The following ARAP1 variants were observed in gnomAD, a reference collection of about 807,000 sequenced individuals.
ARAP1 encodes ArfGAP with RhoGAP domain, ankyrin repeat and PH domain 1, also known as arf-GAP with Rho-GAP domain, ANK repeat and PH domain-containing protein 1.
A neutral mutation model predicts 172.2 loss-of-function variants in ARAP1; 76 were observed. The ratio of observed to expected loss-of-function variants is 0.44; its 90% confidence interval spans 0.37 to 0.53. The LOEUF is 0.53. Among genes scored for constraint, ARAP1 ranks in the 20% least tolerant of loss-of-function variants. The pLI, the probability that ARAP1 is intolerant of heterozygous loss-of-function variation, is 0.00. For missense variants in ARAP1, 1,686 were observed against 1,977.5 expected, an observed-to-expected ratio of 0.85 and a Z score of 2.80; for synonymous variants, 804 against 803.3, an observed-to-expected ratio of 1.00 and a Z score of -0.01.
intron 1 of ARAP1, among the ~76,000 whole-genome samples, chr11:72,734,253 T>C (rs1348127830): frequency 1.3e-5 from 2 of 152,190 alleles, no homozygotes; most frequent in Non-Finnish European, 2.9e-5. Context: ...CCTGAGTAGC[T>C]GGAACTACAA....
In ARAP1 at chr11:72,710,297, A is replaced by C; in HGVS notation, c.1416+88T>G. 2 of 1,490,586 alleles carry C rather than the reference A, an allele frequency of 1.3e-6. No homozygotes were observed. Among genetic ancestry groups the C allele is most frequent in the Non-Finnish European group, 1.9e-6 (2 of 1,079,916 alleles). 92.3% of individuals were successfully genotyped at this position (1,490,586 alleles called of 1,614,324 possible). Reference sequence around the variant, plus strand: ...TGGGCCCAGTGCAGGAAAAGAGGGAACAGAAAAGGCAGGGCTAAGGCCCTA... The same window carrying C: ...TGGGCCCAGTGCAGGAAAAGAGGGACCAGAAAAGGCAGGGCTAAGGCCCTA... On this transcript the variant is annotated intron_variant, in intron 10 of 34. Coordinates refer to ENST00000393609, the MANE Select transcript of ARAP1 (RefSeq NM_001040118.3). This position sits in a 1 kb window ranked among gnomAD's most constrained non-coding sequence, Gnocchi z 4.3.
chr11:72,695,628 C>A lies in ARAP1; in HGVS notation c.3421G>T (p.Val1141Leu), dbSNP rs768164284. ...TGCTTCCTGAGCTCTTCCTCATCCA[C>A]CTGGGAAGGGGCGAGAGGCAGGGAC... is the stretch of plus-strand genomic sequence containing the variant. ...LINHYVVVFSVDEEELRKQRE... is the reference protein window; with the variant it reads ...LINHYVVVFSLDEEELRKQRE... Residue 1141 changes from valine (V) to leucine (L), a missense_variant and splice_region_variant, in exon 25 of 35, where the codon GTG becomes TTG. This residue lies in a region of ARAP1 where 379 missense variants were observed against 500.1 expected (regional missense o/e 0.76). Transcript: ENST00000393609. The surrounding 1 kb of genome is among the most constrained non-coding windows in gnomAD (Gnocchi z 4.4). The A allele has an allele frequency of 2.5e-6, 4 of 1,614,182 alleles. No individual in the cohort carries two copies. The Admixed American group carries it at 6.7e-5, about 27-fold the overall frequency.
rs1409105082 is a variant in ARAP1 at position 72,707,307 on chromosome 11, C to T, written c.1591G>A (p.Ala531Thr). 6.2e-7 allele frequency: 1 copy of T among 1,613,730 alleles called. No individual in the cohort carries two copies. ...TCGGCCACCTCCGAGGTAGACAGGG[C>T]CTCAGCGATGGCTCCCTGCATGGCC... ...LEAMQGAIAE[A>T]LSTSEVAERI... Residue 531 changes from alanine (A) to threonine (T), a missense_variant, in exon 12 of 35, where the codon GCC becomes ACC. This residue lies in a region of ARAP1 where 688 missense variants were observed against 856.9 expected (regional missense o/e 0.80). Transcript: ENST00000393609.
chr11:72,747,809 C>A (rs1328795405), intron 1 of ARAP1, among the ~76,000 whole-genome samples: 1 of 152,198 alleles, frequency 6.6e-6, no homozygotes, highest in African/African-American at 2.4e-5. Flanking sequence ...CAATTAGTCC[C>A]GTCTGCAAGC....
chr11:72,743,023 G>A (rs1230855320), intron 1 of ARAP1, among the ~76,000 whole-genome samples: 1 of 152,138 alleles, frequency 6.6e-6, no homozygotes, highest in Non-Finnish European at 1.5e-5. Flanking sequence ...TCAAATGCAA[G>A]GCCTTTCTTC....
chr11:72,688,599 C>T, intron 30 of ARAP1, 62 bp from the exon 31 acceptor site: 1 of 1,411,026 alleles, frequency 7.1e-7, no homozygotes, highest in South Asian at 1.2e-5. Flanking sequence ...GGGCCGCTCT[C>T]CCGACTGGGC....
intron 31 of ARAP1, 69 bp from the exon 32 acceptor site, chr11:72,687,807 G>A: frequency 7.0e-6 from 11 of 1,577,414 alleles, no homozygotes; most frequent in Non-Finnish European, 9.6e-6. Flanking sequence ...CAGTTCCCAG[G>A]ACAGAGCCCA....
intron 30 of ARAP1, among the ~76,000 whole-genome samples, chr11:72,691,959 C>T (rs1337141117): frequency 2.0e-5 from 3 of 152,272 alleles, no homozygotes; most frequent in Middle Eastern, 6.8e-3. Flanking sequence ...CAGTAGGGTT[C>T]GCACTCTTAC....
At chr11:72,743,882 G>A (rs546825608) in intron 1 of ARAP1, among the ~76,000 whole-genome samples, 32 of 151,926 alleles carry the variant, frequency 2.1e-4, no homozygotes, top group African/African-American at 7.2e-4. Context: ...TCTCCTGCCT[G>A]CCTACCCCTT....
intron 16 of ARAP1, 110 bp downstream of exon 16, chr11:72,701,539 C>T: frequency 2.1e-6 from 3 of 1,453,640 alleles, no homozygotes; most frequent in Non-Finnish European, 2.8e-6. Context: ...CCAGGAAGCC[C>T]TCTAGGGTGA....
In ARAP1 at chr11:72,710,625, AG is replaced by A. The variant is rs1856972318; in HGVS notation, c.1214-39del. 1 of 1,563,896 alleles carries A rather than the reference AG, an allele frequency of 6.4e-7. No homozygotes were observed. The highest frequency in any genetic ancestry group is 8.6e-7 in the Non-Finnish European group (1 of 1,156,222). On this transcript the variant is annotated intron_variant, in intron 9 of 34. Coordinates refer to ENST00000393609, the MANE Select transcript of ARAP1 (RefSeq NM_001040118.3). The surrounding 1 kb of genome is among the most constrained non-coding windows in gnomAD (Gnocchi z 4.3). ...GGTAGAGGAGTAAGCCCAAGGTTGCAGGGAGCCCCTCAGGGGTCTCCTGGCC... is the reference window on the plus strand; with the variant it reads ...GGTAGAGGAGTAAGCCCAAGGTTGCAGGAGCCCCTCAGGGGTCTCCTGGCC...
intron 2 of ARAP1, 59 bp from the exon 3 acceptor site, chr11:72,727,231 C>T (rs1167949454): frequency 1.5e-6 from 2 of 1,370,784 alleles, no homozygotes; most frequent in East Asian, 2.5e-5. Flanking sequence ...GGTCCCCTCA[C>T]CAGCAGCCTG....
chr11:72,721,691 A>G (rs1857517600), intron 3 of ARAP1, among the ~76,000 whole-genome samples: 1 of 152,130 alleles, frequency 6.6e-6, no homozygotes, highest in South Asian at 2.1e-4. Flanking sequence ...AGAAGTGGGG[A>G]AAGTGAAATA....
At chr11:72,692,829 A>G (rs1465833220) in intron 29 of ARAP1, 44 bp from the exon 30 acceptor site, 1 of 1,611,272 alleles carries the variant, frequency 6.2e-7, no homozygotes, top group Non-Finnish European at 8.5e-7. Context: ...TCCCAGGTCT[A>G]GAGCCAGGAC....
chr11:72,707,647 C>T (rs1055954724), intron 11 of ARAP1, among the ~76,000 whole-genome samples: 3 of 152,040 alleles, frequency 2.0e-5, no homozygotes, highest in Admixed American at 6.6e-5. Context: ...AGCTAAGATT[C>T]GACAGATCAG....
chr11:72,713,586 G>A (rs946167785), intron 4 of ARAP1, among the ~76,000 whole-genome samples: 2 of 152,152 alleles, frequency 1.3e-5, no homozygotes, highest in Non-Finnish European at 2.9e-5. Context: ...GGTGGCTCAT[G>A]CCTGTAATCC....
intron 12 of ARAP1, 75 bp from the exon 13 acceptor site, chr11:72,705,965 A>C: frequency 6.7e-7 from 1 of 1,491,968 alleles, no homozygotes; most frequent in Non-Finnish European, 9.3e-7. Flanking sequence ...CCCAGTGTCT[A>C]CTGGGACAGG....
chr11:72,696,713 G>C, intron 22 of ARAP1, 59 bp from the exon 23 acceptor site: 1 of 1,415,028 alleles, frequency 7.1e-7, no homozygotes, highest in Non-Finnish European at 9.6e-7. Context: ...CCCCCACCCC[G>C]CCTGGGCTGC....
intron 30 of ARAP1, among the ~76,000 whole-genome samples, chr11:72,691,915 G>A (rs1243151007): frequency 1.3e-5 from 2 of 152,156 alleles, no homozygotes; most frequent in Non-Finnish European, 2.9e-5. Context: ...CTCATAAGAA[G>A]CGCACAACCT....
Sources: gnomAD v4.1 joint callset for allele counts (sites outside exome capture counted in the v4.1 genomes callset) on GRCh38, gnomAD v4.1.1 for gene constraint, gnomAD v4.1.1 regional missense constraint, Gnocchi (gnomAD v3.1) non-coding constraint, MANE v1.5 for transcripts, NCBI Gene and HGNC (gene_info 2026-07-23, HGNC 2026-07-21) for gene names.